The following PAPPA2 variants were observed in gnomAD, a reference collection of about 807,000 sequenced individuals.
PAPPA2 encodes pappalysin-2.
Under a neutral mutation model 176.4 loss-of-function variants are expected in PAPPA2, and 86 were observed. The observed-to-expected ratio is 0.49, with a 90% CI of 0.41 to 0.58. The LOEUF (loss-of-function observed/expected upper bound fraction) is 0.58. Ranked by LOEUF, PAPPA2 falls within the 20% of genes least tolerant of loss-of-function variation. PAPPA2 has a pLI of 0.00. For missense variants in PAPPA2, 2,073 were observed against 2,256.9 expected (o/e 0.92, Z 1.65); for synonymous variants, 809 against 852.2 (o/e 0.95, Z 0.88).
Position 176,595,419 on chromosome 1 carries a change from A to C in PAPPA2, c.1815A>C (p.Thr605=). The stretch of plus-strand genomic sequence containing the variant: ...ACCCCGAGTGTGAGCACCCACTCAC[A>C]GGCTATGATGGGGGTGACTGCCGCC... The part of the protein sequence containing the change: ...HCDPECEHPL[T]GYDGGDCRLQ... The change falls in exon 3 of 23, where the codon ACA becomes ACC. Residue 605 remains threonine, a synonymous_variant. Transcript: ENST00000367662. 1 of 1,614,192 alleles carries C rather than the reference A, an allele frequency of 6.2e-7. No homozygotes were observed. Among genetic ancestry groups the C allele is most frequent in the Non-Finnish European group, 8.5e-7 (1 of 1,180,030 alleles).
chr1:176,796,978 G>T (rs960486996), intron 20 of PAPPA2, among the ~76,000 whole-genome samples: 1 of 151,760 alleles, frequency 6.6e-6, no homozygotes, highest in East Asian at 1.9e-4. Context: ...GTCCAATCAG[G>T]AGGAAATTTT....
intron 1 of PAPPA2, among the ~76,000 whole-genome samples, chr1:176,476,757 A>C (rs951519429): frequency 6.6e-6 from 1 of 152,246 alleles, no homozygotes; most frequent in African/African-American, 2.4e-5. Flanking sequence ...AAACAATGAC[A>C]GATTCCTGGG....
chr1:176,621,783 C>G (rs1655615873), intron 3 of PAPPA2, among the ~76,000 whole-genome samples: 1 of 152,054 alleles, frequency 6.6e-6, no homozygotes, highest in African/African-American at 2.4e-5. Flanking sequence ...GTGAACACAC[C>G]ACCCACAAAT....
chr1:176,793,769 C>G (rs1375152707), intron 20 of PAPPA2, 100 bp downstream of exon 20: 9 of 834,688 alleles, frequency 1.1e-5, no homozygotes, highest in Non-Finnish European at 1.7e-5. Context: ...TCAAAGCATC[C>G]TCAAAGCAAA....
intron 21 of PAPPA2, among the ~76,000 whole-genome samples, chr1:176,830,087 A>G (rs1214822890): frequency 6.6e-6 from 1 of 152,170 alleles, no homozygotes; most frequent in Non-Finnish European, 1.5e-5. Flanking sequence ...TAGGGGAAAT[A>G]ATTGGGCATG....
chr1:176,671,157 GA>G, intron 4 of PAPPA2, 42 bp downstream of exon 4: 3 of 1,602,688 alleles, frequency 1.9e-6, no homozygotes, highest in Non-Finnish European at 2.6e-6. Flanking sequence ...AAAAAACAAA[GA>G]AGGCTGAAGG....
intron 12 of PAPPA2, among the ~76,000 whole-genome samples, chr1:176,729,017 C>T (rs1662009791): frequency 6.6e-6 from 1 of 151,794 alleles, no homozygotes; most frequent in Non-Finnish European, 1.5e-5. Context: ...GTATAGCATC[C>T]TTTACATAAT....
intron 1 of PAPPA2, among the ~76,000 whole-genome samples, chr1:176,554,159 T>C (rs1651132168): frequency 6.6e-6 from 1 of 152,140 alleles, no homozygotes. Flanking sequence ...GTGTTTAAGA[T>C]ACAGCATTTA....
At chr1:176,633,344 T>C (rs949088550) in intron 3 of PAPPA2, among the ~76,000 whole-genome samples, 3 of 152,034 alleles carry the variant, frequency 2.0e-5, no homozygotes, top group Admixed American at 6.6e-5. Context: ...CCTCAGAGGA[T>C]CAACAGGACT....
At chr1:176,755,557 T>A (rs1183881647) in intron 14 of PAPPA2, among the ~76,000 whole-genome samples, 1 of 152,202 alleles carries the variant, frequency 6.6e-6, no homozygotes, top group East Asian at 1.9e-4. Flanking sequence ...GTGAATAGCT[T>A]AATTTGTGTC....
chr1:176,654,143 G>A (rs1378478814), intron 3 of PAPPA2, among the ~76,000 whole-genome samples: 1 of 151,686 alleles, frequency 6.6e-6, no homozygotes, highest in Non-Finnish European at 1.5e-5. Flanking sequence ...TCAACATCCA[G>A]AAGAGTTTTC....
chr1:176,629,131 G>A (rs1301709593), intron 3 of PAPPA2, among the ~76,000 whole-genome samples: 2 of 152,166 alleles, frequency 1.3e-5, no homozygotes, highest in Middle Eastern at 3.2e-3. Flanking sequence ...CTCTTTTTGA[G>A]TAGGTGGATA....
chr1:176,699,633 G>A (rs754159774), intron 8 of PAPPA2, 44 bp downstream of exon 8: 3 of 1,538,464 alleles, frequency 1.9e-6, no homozygotes, highest in Non-Finnish European at 8.8e-7. Flanking sequence ...AGGCTCTGGG[G>A]GTGGGTTTTG....
chr1:176,680,389 TA>T (rs1446330413), intron 4 of PAPPA2, among the ~76,000 whole-genome samples: 3 of 151,758 alleles, frequency 2.0e-5, no homozygotes, highest in African/African-American at 7.3e-5. Context: ...CATATACATA[TA>T]TTTTTTCAGT....
chr1:176,674,452 A>C (rs938327637), intron 4 of PAPPA2, among the ~76,000 whole-genome samples: 1 of 152,002 alleles, frequency 6.6e-6, no homozygotes, highest in Non-Finnish European at 1.5e-5. Context: ...CTATTGTATC[A>C]TTCTTATGTC....
chr1:176,602,454 C>CTGG, intron 3 of PAPPA2, among the ~76,000 whole-genome samples: 1 of 152,294 alleles, frequency 6.6e-6, no homozygotes, highest in South Asian at 2.1e-4. Flanking sequence ...GAAGTTGATG[C>CTGG]TGCACAGACC....
At chr1:176,641,288 G>T (rs1657072001) in intron 3 of PAPPA2, among the ~76,000 whole-genome samples, 1 of 152,106 alleles carries the variant, frequency 6.6e-6, no homozygotes, top group East Asian at 1.9e-4. Context: ...GAATGGTATT[G>T]CCTAGGTTTT....
At chr1:176,809,460 C>T (rs577710526) in intron 21 of PAPPA2, among the ~76,000 whole-genome samples, 2 of 152,288 alleles carry the variant, frequency 1.3e-5, no homozygotes, top group South Asian at 4.1e-4. Flanking sequence ...TCCTTGGATT[C>T]TTTCTTCTCT....
intron 2 of PAPPA2, among the ~76,000 whole-genome samples, chr1:176,581,922 C>CT (rs538920194): frequency 0.021 from 1,714 of 80,984 alleles, 31 homozygotes; most frequent in Non-Finnish European, 0.028. Context: ...TTCTTTCTTT[C>CT]TTTTTTTTTT....
Sources: gnomAD v4.1 joint callset for allele counts (sites outside exome capture counted in the v4.1 genomes callset) on GRCh38, gnomAD v4.1.1 for gene constraint, MANE v1.5 for transcripts, NCBI Gene and HGNC (gene_info 2026-07-23, HGNC 2026-07-21) for gene names.